Variants in SSH2 observed in about 807,000 individuals in gnomAD.
SSH2 encodes the protein slingshot protein phosphatase 2, also known as protein phosphatase Slingshot homolog 2.
In SSH2, 37 loss-of-function variants were observed where a neutral mutation model predicts 135.2. That is an observed-to-expected ratio of 0.27 (90% CI 0.21 to 0.36). The LOEUF (loss-of-function observed/expected upper bound fraction) is 0.36, where lower values mean the gene tolerates loss of function less well. Among genes scored for constraint, SSH2 ranks in the 10% least tolerant of loss-of-function variants. The pLI, the probability that SSH2 is intolerant of heterozygous loss-of-function variation, is 1.00. For synonymous variants in SSH2, 628 were observed against 646.2 expected (o/e 0.97, Z 0.43); for missense variants, 1,408 against 1,765.3 (o/e 0.80, Z 3.63).
At chr17:29,726,338 G>A (rs1357945242) in intron 3 of SSH2, among the ~76,000 whole-genome samples, 2 of 152,182 alleles carry the variant, frequency 1.3e-5, no homozygotes, top group Non-Finnish European at 2.9e-5. Context: ...ACAGTGGAGA[G>A]GGCTTCAGTA....
intron 3 of SSH2, among the ~76,000 whole-genome samples, chr17:29,782,292 T>A (rs975567908): frequency 2.0e-5 from 3 of 152,230 alleles, no homozygotes; most frequent in Non-Finnish European, 4.4e-5. Context: ...TCAATATTCT[T>A]CTATTCCTGT....
intron 2 of SSH2, among the ~76,000 whole-genome samples, chr17:29,824,789 T>C (rs1488177312): frequency 6.6e-6 from 1 of 152,216 alleles, no homozygotes; most frequent in Non-Finnish European, 1.5e-5. Flanking sequence ...TAATGAACAT[T>C]TGTTGTTTTT....
intron 2 of SSH2, among the ~76,000 whole-genome samples, chr17:29,814,447 A>AT (rs1599036284): frequency 6.6e-6 from 1 of 150,848 alleles, no homozygotes; most frequent in African/African-American, 2.4e-5. Context: ...AAAAAAAAAA[A>AT]AAAAAAAAAG....
At chr17:29,731,069 C>T (rs2040173486) in intron 3 of SSH2, among the ~76,000 whole-genome samples, 1 of 152,172 alleles carries the variant, frequency 6.6e-6, no homozygotes, top group Admixed American at 6.5e-5. Context: ...ATTTTCTAAT[C>T]ACACTTCACT....
chr17:29,699,146 A>C (rs1277124045), intron 4 of SSH2, among the ~76,000 whole-genome samples: 1 of 152,144 alleles, frequency 6.6e-6, no homozygotes, highest in Admixed American at 6.5e-5. Flanking sequence ...CCTTCCCTAC[A>C]TTTCCCTACC....
chr17:29,791,286 A>G (rs1270100566), intron 3 of SSH2, among the ~76,000 whole-genome samples: 1 of 151,646 alleles, frequency 6.6e-6, no homozygotes, highest in Non-Finnish European at 1.5e-5. Flanking sequence ...GGGTTTCACC[A>G]TGTTGGCCAG....
chr17:29,924,078 T>C (rs1303334280), intron 1 of SSH2, among the ~76,000 whole-genome samples: 1 of 152,226 alleles, frequency 6.6e-6, no homozygotes, highest in African/African-American at 2.4e-5. Context: ...TTTTATCTTT[T>C]CTGTACTTCT....
intron 2 of SSH2, among the ~76,000 whole-genome samples, chr17:29,848,165 A>G (rs2065480578): frequency 1.3e-5 from 2 of 152,332 alleles, no homozygotes; most frequent in South Asian, 4.1e-4. Context: ...CTCAGGGGGA[A>G]GTTCACTTAT....
intron 1 of SSH2, among the ~76,000 whole-genome samples, chr17:29,886,007 G>A (rs191685170): frequency 6.6e-6 from 1 of 152,176 alleles, no homozygotes; most frequent in Non-Finnish European, 1.5e-5. Context: ...ATAGGTACCA[G>A]GTAGTGGGGC....
At chr17:29,772,040 C>T (rs1246446086) in intron 3 of SSH2, among the ~76,000 whole-genome samples, 2 of 151,996 alleles carry the variant, frequency 1.3e-5, no homozygotes, top group Non-Finnish European at 2.9e-5. Flanking sequence ...ACTCCTCAGT[C>T]CTTAGTAGAA....
rs574588710 is a variant in SSH2, at chr17:29,653,446, A to G, written c.1079+2115T>C. The stretch of plus-strand genomic sequence containing the variant: ...TTTAGCCTTCTAAGAAGCAAATGAT[A>G]TGATGGGTCTCATCTCCAGCTGGGG... On this transcript the variant is annotated intron_variant, in intron 12 of 15. Transcript: ENST00000540801. 2.6e-5 allele frequency among the ~76,000 whole-genome samples: 4 copies of G among 152,364 alleles called. No individual in the cohort carries two copies. The East Asian group carries it at 7.7e-4, about 29-fold the overall frequency.
intron 3 of SSH2, among the ~76,000 whole-genome samples, chr17:29,744,360 T>C (rs2040682337): frequency 6.6e-6 from 1 of 152,184 alleles, no homozygotes; most frequent in African/African-American, 2.4e-5. Flanking sequence ...CAGGGTTGGC[T>C]GAGGAGCCTG....
Position 29,648,356 on chromosome 17 carries a change from G to T in SSH2, c.1227-12C>A, listed in dbSNP as rs754065106. The T allele has an allele frequency of 1.3e-6, 2 of 1,592,152 alleles. No individual in the cohort carries two copies. The highest frequency in any genetic ancestry group is 1.7e-6 in the Non-Finnish European group (2 of 1,168,040). On this transcript the variant is annotated splice_polypyrimidine_tract_variant and intron_variant, in intron 13 of 15. Transcript: ENST00000540801. ...TAGATCCATGTTTCCTTGTTTGGGG[G>T]ATTGAGGTAAAGAATAGAGGAAAAT...
intron 1 of SSH2, among the ~76,000 whole-genome samples, chr17:29,907,369 G>A (rs1364063634): frequency 6.6e-6 from 1 of 152,058 alleles, no homozygotes; most frequent in Non-Finnish European, 1.5e-5. Flanking sequence ...AGTGGGGGGA[G>A]GGAGAACATC....
At chr17:29,690,336 C>T (rs1240727473) in intron 5 of SSH2, among the ~76,000 whole-genome samples, 3 of 147,286 alleles carry the variant, frequency 2.0e-5, no homozygotes, top group Admixed American at 7.0e-5. Flanking sequence ...ACCTGGGAGG[C>T]GGAGGTTGTG....
intron 1 of SSH2, among the ~76,000 whole-genome samples, chr17:29,913,301 G>C (rs1236520401): frequency 4.4e-4 from 41 of 93,046 alleles, no homozygotes; most frequent in Non-Finnish European, 6.7e-4. Context: ...CTGGGCGACA[G>C]AGCGAGACGC....
chr17:29,738,755 T>C (rs752649466), intron 3 of SSH2, among the ~76,000 whole-genome samples: 19 of 151,838 alleles, frequency 1.3e-4, no homozygotes, highest in Middle Eastern at 3.4e-3. Flanking sequence ...GGGGTTTCAC[T>C]GTGTTAGCCA....
intron 14 of SSH2, chr17:29,643,272 A>G: frequency 1.0e-6 from 1 of 985,320 alleles, no homozygotes; most frequent in Non-Finnish European, 1.2e-6. Flanking sequence ...ATAACACATC[A>G]TAGATTGCAG....
intron 12 of SSH2, among the ~76,000 whole-genome samples, chr17:29,652,192 C>T (rs1471659945): frequency 6.6e-6 from 1 of 152,082 alleles, no homozygotes; most frequent in Non-Finnish European, 1.5e-5. Context: ...ACAGCAGTTT[C>T]CCCAAGGGTA....
Sources: gnomAD v4.1 joint callset for allele counts (sites outside exome capture counted in the v4.1 genomes callset) on GRCh38, gnomAD v4.1.1 for gene constraint, MANE v1.5 for transcripts, NCBI Gene and HGNC (gene_info 2026-07-23, HGNC 2026-07-21) for gene names.